SLC22A14: variants seen among roughly 807,000 people sequenced by gnomAD.
SLC22A14 encodes the protein solute carrier family 22 member 14, also known as organic cation transporter-like 4.
In SLC22A14, 50 loss-of-function variants were observed where a neutral mutation model predicts 53.9. That is an observed-to-expected ratio of 0.93 (90% confidence interval 0.74 to 1.17). SLC22A14 has a LOEUF of 1.17. SLC22A14 is among the 50% of genes most tolerant of loss of function. The pLI, the probability that SLC22A14 is intolerant of heterozygous loss-of-function variation, is 0.00. For synonymous variants in SLC22A14, 312 were observed against 303.0 expected, an observed-to-expected ratio of 1.03 and a Z score of -0.31; for missense variants, 671 against 734.7, an observed-to-expected ratio of 0.91 and a Z score of 1.00.
At chr3:38,301,437 G>A (rs1203765786) in intron 1 of SLC22A14, among the ~76,000 whole-genome samples, 1 of 152,212 alleles carries the variant, frequency 6.6e-6, no homozygotes, top group Non-Finnish European at 1.5e-5. Flanking sequence ...GAGTGAGTTT[G>A]AAGATTTTTT....
At chr3:38,315,512 G>T in intron 8 of SLC22A14, 46 bp from the exon 9 acceptor site, 1 of 1,579,272 alleles carries the variant, frequency 6.3e-7, no homozygotes, top group South Asian at 1.1e-5. Context: ...CCTTCTGGGA[G>T]GGGTCAAGGG....
At chr3:38,318,093 C>A in intron 10 of SLC22A14, 105 bp from the exon 11 acceptor site, 3 of 1,031,430 alleles carry the variant, frequency 2.9e-6, no homozygotes, top group Non-Finnish European at 4.5e-6. Context: ...GAAAGCCTCA[C>A]CTCTTGGGAA....
chr3:38,291,448 G>A (rs1356030549), intron 1 of SLC22A14, among the ~76,000 whole-genome samples: 2 of 152,186 alleles, frequency 1.3e-5, no homozygotes, highest in African/African-American at 4.8e-5. Context: ...TAAGCAAAAA[G>A]TTGTCTGACA....
intron 1 of SLC22A14, among the ~76,000 whole-genome samples, chr3:38,288,538 A>ACCCT (rs1703839438): frequency 6.6e-6 from 1 of 152,180 alleles, no homozygotes; most frequent in African/African-American, 2.4e-5. Context: ...ACCCTTTTAC[A>ACCCT]TTCCAATACA....
At chr3:38,306,743 G>A (rs900560339) in intron 2 of SLC22A14, among the ~76,000 whole-genome samples, 1 of 152,208 alleles carries the variant, frequency 6.6e-6, no homozygotes, top group Non-Finnish European at 1.5e-5. Context: ...GTACATTTGG[G>A]GTAGAGATGG....
At chr3:38,280,151 A>C (rs1349110087), upstream of SLC22A14, among the ~76,000 whole-genome samples, 5 of 152,162 alleles carry the variant, frequency 3.3e-5, no homozygotes, top group African/African-American at 1.2e-4. Flanking sequence ...AGAACTGCGC[A>C]TGCTGGAGGA....
At position 38,318,414 on chromosome 3, in the gene SLC22A14, A is replaced by G; in HGVS notation, c.*165A>G. 1 of 659,400 alleles carries G rather than the reference A, an allele frequency of 1.5e-6. No individual in the cohort carries two copies. Among genetic ancestry groups the G allele is most frequent in the Non-Finnish European group, 2.7e-6 (1 of 364,452 alleles). The allele number at this position is 659,400 out of a possible 1,614,324, so 40.8% of individuals were successfully genotyped here. The stretch of plus-strand genomic sequence containing the variant: ...TTGGGTTGGAATTGAGTGGCCAAGT[A>G]TGGGGTCATGGATTCCAGGCCACAA... On this transcript the variant is annotated 3_prime_UTR_variant, in exon 11 of 11. Coordinates refer to ENST00000448498, the MANE Select transcript of SLC22A14 (RefSeq NM_001320033.2).
Position 38,307,567 on chromosome 3 carries a change from A to G in SLC22A14, c.622A>G (p.Met208Val). The change falls in exon 4 of 11, where the codon ATG (methionine) becomes GTG (valine). Residue 208 changes from methionine (M) to valine (V), a missense_variant and splice_region_variant. Transcript: ENST00000448498. The surrounding 1 kb of genome is among the most constrained non-coding windows in gnomAD (Gnocchi z 4.4). ...GCAGCCTCCCTTTGACACCTGTAGG[A>G]TGGGCCGCTACCCTGCCATCCTGCT... ...SLIFRLITDKMGRYPAILLSL... is the reference protein window; with the variant it reads ...SLIFRLITDKVGRYPAILLSL... 6.2e-7 allele frequency: 1 copy of G among 1,613,718 alleles called. No individual in the cohort carries two copies. The highest frequency in any genetic ancestry group is 8.5e-7 in the Non-Finnish European group (1 of 1,179,844).
intron 1 of SLC22A14, among the ~76,000 whole-genome samples, chr3:38,304,341 C>T (rs1559549283): frequency 6.6e-6 from 1 of 152,054 alleles, no homozygotes. Context: ...ATTTTCCATC[C>T]ACATTTTGAA....
chr3:38,281,270 A>G (rs1335091442), upstream of SLC22A14, among the ~76,000 whole-genome samples: 6 of 152,300 alleles, frequency 3.9e-5, no homozygotes, highest in East Asian at 1.2e-3. Context: ...CCTGTGATCA[A>G]TACTTCATTT....
At chr3:38,304,529 A>C (rs1704250101) in intron 1 of SLC22A14, among the ~76,000 whole-genome samples, 1 of 152,096 alleles carries the variant, frequency 6.6e-6, no homozygotes, top group Non-Finnish European at 1.5e-5. Context: ...CTGAGACTAC[A>C]GGCACATGCC....
At chr3:38,282,090 G>T (rs1381916775), upstream of SLC22A14, among the ~76,000 whole-genome samples, 2 of 152,226 alleles carry the variant, frequency 1.3e-5, no homozygotes, top group African/African-American at 4.8e-5. Flanking sequence ...CGAGAGTGGA[G>T]GTGGAGCCCT....
In SLC22A14 at chr3:38,315,615, T is replaced by C. The variant is rs199652101; in HGVS notation, c.1436T>C (p.Met479Thr). ...PRCPATELKS[M>T]TILVLMLREF... ...TGTCCGGCCACAGAGCTGAAATCCATGACGATCTTGGTGCTCATGCTCAGA... is the reference window on the plus strand; with the variant it reads ...TGTCCGGCCACAGAGCTGAAATCCACGACGATCTTGGTGCTCATGCTCAGA... Residue 479 changes from methionine to threonine, a missense_variant, in exon 9 of 11, where the codon ATG (methionine) becomes ACG (threonine). Coordinates refer to ENST00000448498, the MANE Select transcript of SLC22A14 (RefSeq NM_001320033.2). 1.9e-6 allele frequency: 3 copies of C among 1,614,136 alleles called. No individual in the cohort carries two copies. Among genetic ancestry groups the C allele is most frequent in the East Asian group, 2.2e-5 (1 of 44,874 alleles).
rs190308133 is a variant in SLC22A14 at position 38,306,913 on chromosome 3, C to T, written c.517-341C>T. ...CCCGAGCTGCAATCTAGGCCCTTTA[C>T]AACACAGACCGCCCTAGCATGAATC... On this transcript the variant is annotated intron_variant, in intron 2 of 10. Transcript: ENST00000448498. Among the ~76,000 whole-genome samples, 5 of 152,340 alleles carry T rather than the reference C, an allele frequency of 3.3e-5. No individual in the cohort carries two copies. In the East Asian group the frequency reaches 9.7e-4, roughly 29 times the overall value.
At chr3:38,311,400 A>G (rs906529678) in intron 5 of SLC22A14, among the ~76,000 whole-genome samples, 1 of 152,214 alleles carries the variant, frequency 6.6e-6, no homozygotes, top group African/African-American at 2.4e-5. Flanking sequence ...TGGCCTCCTT[A>G]TCAAACAGTA....
intron 1 of SLC22A14, among the ~76,000 whole-genome samples, chr3:38,304,629 T>C (rs1075786): frequency 0.59 from 89,070 of 151,966 alleles, 26,392 homozygotes; most frequent in South Asian, 0.66. Context: ...TGGGCTCAAG[T>C]GATCTACCTG....
intron 7 of SLC22A14, 42 bp from the exon 8 acceptor site, chr3:38,313,685 T>TGTGTGTGTGTGTGCGTGCGC: frequency 3.3e-6 from 3 of 900,604 alleles, no homozygotes; most frequent in South Asian, 1.4e-5. Flanking sequence ...TCCGTGTGTG[T>TGTGTGTGTGTGTGCGTGCGC]GCGCGCGTGT....
rs759589803 is a variant in SLC22A14 at position 38,318,188 on chromosome 3, G to A, written c.1734-10G>A. 1.9e-5 allele frequency: 30 copies of A among 1,613,220 alleles called. No homozygotes were observed. Among genetic ancestry groups the A allele is most frequent in the Non-Finnish European group, 2.5e-5 (29 of 1,179,162 alleles). ...GTGGCCCTGGACTCATCCTCTGATGGCTCTTTCAGGAATAAGGTCAAGGAC... is the reference window on the plus strand; with the variant it reads ...GTGGCCCTGGACTCATCCTCTGATGACTCTTTCAGGAATAAGGTCAAGGAC... On this transcript the variant is annotated splice_polypyrimidine_tract_variant and intron_variant, in intron 10 of 10. Transcript: ENST00000448498.
rs767393672 is a variant in SLC22A14, at chr3:38,309,060, C to T, written c.882C>T (p.Pro294=). The stretch of plus-strand genomic sequence containing the variant: ...TGACAGGGATCGCCTACAGTCTTCC[C>T]CACTGGCAGCTGCTGTTTCTGGTGG... The part of the protein sequence containing the change: ...VLLTGIAYSL[P]HWQLLFLVGG... Residue 294 remains proline (P), a synonymous_variant, in exon 5 of 11, where the codon CCC becomes CCT. Coordinates refer to ENST00000448498, the MANE Select transcript of SLC22A14 (RefSeq NM_001320033.2). The T allele has an allele frequency of 5.0e-6, 8 of 1,614,048 alleles. No individual in the cohort carries two copies. In the East Asian group the frequency reaches 1.3e-4, roughly 27 times the overall value.
Sources: allele counts gnomAD v4.1 joint callset (sites outside exome capture counted in the v4.1 genomes callset), GRCh38; gene constraint gnomAD v4.1.1; non-coding constraint Gnocchi (gnomAD v3.1); transcripts MANE v1.5; gene names NCBI Gene and HGNC (gene_info 2026-07-23, HGNC 2026-07-21).